The following CXCR2 variants were observed in gnomAD, a reference collection of about 807,000 sequenced individuals.
CXCR2 encodes the protein C-X-C chemokine receptor type 2.
Under a neutral mutation model 3.7 loss-of-function variants are expected in CXCR2, and 2 were observed. That is an observed-to-expected ratio of 0.55 (90% confidence interval 0.22 to 1.72). CXCR2 has a LOEUF of 1.72. Among genes scored for constraint, CXCR2 ranks in the 40% most tolerant of loss-of-function variants. The pLI is 0.19. For synonymous variants in CXCR2, 203 were observed against 193.3 expected, an observed-to-expected ratio of 1.05 and a Z score of -0.41; for missense variants, 351 against 450.1, an observed-to-expected ratio of 0.78 and a Z score of 1.99.
chr2:218,131,060 T>C (rs1473087050), intron 2 of CXCR2: 1 of 152,316 alleles, frequency 6.6e-6, no homozygotes, highest in African/African-American at 2.4e-5. Context: ...ACATGGCAGT[T>C]TCTGCAGCAG....
At chr2:218,134,004 G>A (rs1690717356) in intron 2 of CXCR2, among the ~76,000 whole-genome samples, 1 of 152,142 alleles carries the variant, frequency 6.6e-6, no homozygotes, top group African/African-American at 2.4e-5. Context: ...TCCCAAAGCG[G>A]GTCTCCTTCT....
Position 218,135,903 on chromosome 2 carries a change from A to G in CXCR2, c.*19A>G. 6.3e-7 allele frequency: 1 copy of G among 1,584,204 alleles called. No homozygotes were observed. The highest frequency in any genetic ancestry group is 8.6e-7 in the Non-Finnish European group (1 of 1,163,888). The stretch of plus-strand genomic sequence containing the variant: ...TCTCTAAGACCTCCTGCCTAAGTGC[A>G]GCCCCGTGGGGTTCCTCCCTTCTCT... On this transcript the variant is annotated 3_prime_UTR_variant, in exon 3 of 3. Transcript: ENST00000318507. The surrounding 1 kb of genome is among the most constrained non-coding windows in gnomAD (Gnocchi z 4.0).
rs1224194258 is a variant in CXCR2, at chr2:218,126,088, A to C, written c.-343A>C. Reference sequence around the variant, plus strand: ...AGACTGGTAGGCTCCTCCAGAAGCCATCAGACAGGAAGATGTGAAAATCCC... The same window carrying C: ...AGACTGGTAGGCTCCTCCAGAAGCCCTCAGACAGGAAGATGTGAAAATCCC... On this transcript the variant is annotated 5_prime_UTR_variant, in exon 1 of 3. Transcript: ENST00000318507. 1 of 152,386 alleles carries C rather than the reference A, an allele frequency of 6.6e-6. No individual in the cohort carries two copies. 9.4% of individuals were successfully genotyped at this position (152,386 alleles called of 1,614,324 possible). A position where few individuals can be genotyped will look rare whatever the true frequency, so the allele number is the denominator to read the frequency against.
chr2:218,136,777 A>C lies in CXCR2; in HGVS notation c.*893A>C, dbSNP rs1383812760. 6.0e-6 allele frequency: 1 copy of C among 167,122 alleles called. No homozygotes were observed. The highest frequency in any genetic ancestry group is 1.5e-5 in the Non-Finnish European group (1 of 68,138). The allele number at this position is 167,122 out of a possible 1,614,324, so 10.4% of individuals were successfully genotyped here. A position where few individuals can be genotyped will look rare whatever the true frequency, so the allele number is the denominator to read the frequency against. On this transcript the variant is annotated 3_prime_UTR_variant, in exon 3 of 3. Transcript: ENST00000318507. Reference sequence around the variant, plus strand: ...CCTGAAAGAGGAATGAAGTACTCATACATGTTACAACACGGACGAACCTTG... The same window carrying C: ...CCTGAAAGAGGAATGAAGTACTCATCCATGTTACAACACGGACGAACCTTG...
At chr2:218,126,598 A>G (rs1394254453) in intron 1 of CXCR2, among the ~76,000 whole-genome samples, 4 of 152,200 alleles carry the variant, frequency 2.6e-5, no homozygotes, top group African/African-American at 2.4e-5. Context: ...GGAGCACTTG[A>G]AATGTGACTA....
intron 2 of CXCR2, among the ~76,000 whole-genome samples, chr2:218,133,488 C>T (rs1244765644): frequency 6.6e-6 from 1 of 151,906 alleles, no homozygotes; most frequent in Non-Finnish European, 1.5e-5. Context: ...TTAGTAGAGA[C>T]AGTGTTTCAC....
chr2:218,135,925 C>T lies in CXCR2; in HGVS notation c.*41C>T. Reference sequence around the variant, plus strand: ...TGCAGCCCCGTGGGGTTCCTCCCTTCTCTTCACAGTCACATTCCAAGCCTC... The same window carrying T: ...TGCAGCCCCGTGGGGTTCCTCCCTTTTCTTCACAGTCACATTCCAAGCCTC... On this transcript the variant is annotated 3_prime_UTR_variant, in exon 3 of 3. Coordinates refer to ENST00000318507, the MANE Select transcript of CXCR2 (RefSeq NM_001557.4). The surrounding 1 kb of genome is among the most constrained non-coding windows in gnomAD (Gnocchi z 4.0). 1.3e-6 allele frequency: 2 copies of T among 1,559,282 alleles called. No individual in the cohort carries two copies. Among genetic ancestry groups the T allele is most frequent in the Non-Finnish European group, 1.7e-6 (2 of 1,152,602 alleles).
Position 218,134,974 on chromosome 2 carries a change from T to C in CXCR2, c.173T>C (p.Val58Ala). 6.2e-7 allele frequency: 1 copy of C among 1,614,204 alleles called. No homozygotes were observed. The highest frequency in any genetic ancestry group is 1.1e-5 in the South Asian group (1 of 91,082). The change falls in exon 3 of 3, where the codon GTA (valine) becomes GCA (alanine). Residue 58 changes from valine (V) to alanine (A), a missense_variant. By Grantham distance (64) the Val-to-Ala change is moderately conservative (BLOSUM62 0). Coordinates refer to ENST00000318507, the MANE Select transcript of CXCR2 (RefSeq NM_001557.4). ...KYFVVIIYALVFLLSLLGNSL... is the reference protein window; with the variant it reads ...KYFVVIIYALAFLLSLLGNSL... Reference sequence around the variant, plus strand: ...TTTGTGGTCATTATCTATGCCCTGGTATTCCTGCTGAGCCTGCTGGGAAAC... The same window carrying C: ...TTTGTGGTCATTATCTATGCCCTGGCATTCCTGCTGAGCCTGCTGGGAAAC...
At chr2:218,134,629 C>A in intron 2 of CXCR2, 148 bp from the exon 3 acceptor site, 1 of 694,306 alleles carries the variant, frequency 1.4e-6, no homozygotes, top group Non-Finnish European at 2.3e-6. Flanking sequence ...ATCTCATAAC[C>A]TAAGAGCTAC....
chr2:218,137,129 C>T lies in CXCR2; in HGVS notation c.*1245C>T, dbSNP rs2106111295. 6.0e-6 allele frequency: 1 copy of T among 167,012 alleles called. No individual in the cohort carries two copies. Among genetic ancestry groups the T allele is most frequent in the South Asian group, 2.1e-4 (1 of 4,802 alleles). 10.3% of individuals were successfully genotyped at this position (167,012 alleles called of 1,614,324 possible). A position where few individuals can be genotyped will look rare whatever the true frequency, so the allele number is the denominator to read the frequency against. ...ATCAATTTAAAAAAAAACCTGAGCCCCAAAAGGTATTTTAATCACCAAGGC... is the reference window on the plus strand; with the variant it reads ...ATCAATTTAAAAAAAAACCTGAGCCTCAAAAGGTATTTTAATCACCAAGGC... On this transcript the variant is annotated 3_prime_UTR_variant, in exon 3 of 3. Transcript: ENST00000318507.
chr2:218,129,908 G>A (rs1264768449), intron 2 of CXCR2, among the ~76,000 whole-genome samples: 1 of 152,110 alleles, frequency 6.6e-6, no homozygotes, highest in African/African-American at 2.4e-5. Flanking sequence ...GAGTCACTAA[G>A]GGGCTGGCAT....
At chr2:218,132,526 G>C (rs547392970) in intron 2 of CXCR2, among the ~76,000 whole-genome samples, 1 of 152,322 alleles carries the variant, frequency 6.6e-6, no homozygotes, top group East Asian at 1.9e-4. Flanking sequence ...TATGTCATGT[G>C]AACATGGTAG....
Position 218,135,473 on chromosome 2 carries a change from G to A in CXCR2, c.672G>A (p.Leu224=), listed in dbSNP as rs1559453998. 1 of 1,614,206 alleles carries A rather than the reference G, an allele frequency of 6.2e-7. No homozygotes were observed. The highest frequency in any genetic ancestry group is 8.5e-7 in the Non-Finnish European group (1 of 1,180,042). The change falls in exon 3 of 3, where the codon CTG becomes CTA. Residue 224 remains leucine (L), a synonymous_variant. Coordinates refer to ENST00000318507, the MANE Select transcript of CXCR2 (RefSeq NM_001557.4). This position sits in a 1 kb window ranked among gnomAD's most constrained non-coding sequence, Gnocchi z 4.0. ...LPQSFGFIVP[L]LIMLFCYGFT... ...AGTCCTTTGGCTTCATCGTGCCACT[G>A]CTGATCATGCTGTTCTGCTACGGAT...
chr2:218,133,057 C>CTGAGTGTGCCCAGCCTGG (rs1248135232), intron 2 of CXCR2, among the ~76,000 whole-genome samples: 1 of 152,140 alleles, frequency 6.6e-6, no homozygotes, highest in Admixed American at 6.5e-5. Flanking sequence ...GCATCTTTTT[C>CTGAGTGTGCCCAGCCTGG]TGAGTGTGCC....
At chr2:218,133,003 G>A (rs1200865151) in intron 2 of CXCR2, among the ~76,000 whole-genome samples, 1 of 152,150 alleles carries the variant, frequency 6.6e-6, no homozygotes, top group African/African-American at 2.4e-5. Context: ...CTGCAATGTG[G>A]GAGAGTTCTG....
intron 1 of CXCR2, among the ~76,000 whole-genome samples, chr2:218,127,272 G>A (rs975387770): frequency 1.3e-5 from 2 of 152,052 alleles, no homozygotes; most frequent in East Asian, 1.9e-4. Context: ...GATTACAGGC[G>A]TGCGCTGCCA....
chr2:218,132,502 T>C (rs1417585507), intron 2 of CXCR2, among the ~76,000 whole-genome samples: 1 of 152,254 alleles, frequency 6.6e-6, no homozygotes, highest in Non-Finnish European at 1.5e-5. Flanking sequence ...ACAATGCGGA[T>C]GCATTCTGAG....
intron 2 of CXCR2, among the ~76,000 whole-genome samples, chr2:218,130,428 A>G (rs536316544): frequency 2.6e-5 from 4 of 152,200 alleles, no homozygotes; most frequent in Admixed American, 6.5e-5. Flanking sequence ...AAAAAAGAAA[A>G]AAAGAAAGAA....
chr2:218,136,475 G>C lies in CXCR2; in HGVS notation c.*591G>C, dbSNP rs1391961144. On this transcript the variant is annotated 3_prime_UTR_variant, in exon 3 of 3. Transcript: ENST00000318507. ...GGAGAAACTGGAACTCTCGAGCGTT[G>C]CTGGGGGGGATTGTAAAATGGTGTG... 4 of 167,426 alleles carry C rather than the reference G, an allele frequency of 2.4e-5. No homozygotes were observed. Among genetic ancestry groups the C allele is most frequent in the African/African-American group, 9.7e-5 (4 of 41,412 alleles). The allele number at this position is 167,426 out of a possible 1,614,324, so 10.4% of individuals were successfully genotyped here. A position where few individuals can be genotyped will look rare whatever the true frequency, so the allele number is the denominator to read the frequency against.
Sources: allele counts gnomAD v4.1 joint callset (sites outside exome capture counted in the v4.1 genomes callset), GRCh38; gene constraint gnomAD v4.1.1; non-coding constraint Gnocchi (gnomAD v3.1); transcripts MANE v1.5; gene names NCBI Gene and HGNC (gene_info 2026-07-23, HGNC 2026-07-21).